Variants in NTM observed in about 807,000 individuals in gnomAD.
NTM encodes the protein neurotrimin, also known as IgLON family member 2.
In NTM, 13 loss-of-function variants were observed where a neutral mutation model predicts 42.1. That is an observed-to-expected ratio of 0.31 (90% CI 0.20 to 0.49). The LOEUF (loss-of-function observed/expected upper bound fraction) is 0.49, where lower values mean the gene tolerates loss of function less well. NTM is among the 20% of genes least tolerant of loss of function. The pLI is 0.99. For missense variants in NTM, 373 were observed against 452.8 expected, an observed-to-expected ratio of 0.82 and a Z score of 1.60; for synonymous variants, 187 against 179.2, an observed-to-expected ratio of 1.04 and a Z score of -0.35.
intron 2 of NTM, among the ~76,000 whole-genome samples, chr11:131,944,010 G>T (rs1287789183): frequency 6.6e-6 from 1 of 151,952 alleles, no homozygotes; most frequent in African/African-American, 2.4e-5. Flanking sequence ...GGCGTTATTT[G>T]TATGTGAAAA....
At chr11:131,947,697 G>A (rs1238062537) in intron 2 of NTM, among the ~76,000 whole-genome samples, 3 of 152,118 alleles carry the variant, frequency 2.0e-5, no homozygotes, top group Non-Finnish European at 4.4e-5. Context: ...TCCTCACATG[G>A]AAGCCAGTCA....
At chr11:131,828,095 T>C (rs1166993073) in intron 1 of NTM, among the ~76,000 whole-genome samples, 1 of 151,970 alleles carries the variant, frequency 6.6e-6, no homozygotes, top group Non-Finnish European at 1.5e-5. Context: ...TATTAAATTC[T>C]ACCTGCCAAA....
intron 1 of NTM, among the ~76,000 whole-genome samples, chr11:131,634,024 C>G (rs1360257941): frequency 6.6e-6 from 1 of 152,124 alleles, no homozygotes; most frequent in African/African-American, 2.4e-5. Context: ...CCAACTCTAT[C>G]TCTTCAAGGC....
At chr11:131,816,717 G>A (rs550585746) in intron 1 of NTM, among the ~76,000 whole-genome samples, 3 of 152,164 alleles carry the variant, frequency 2.0e-5, no homozygotes, top group South Asian at 2.1e-4. Flanking sequence ...TTTTAGAGGC[G>A]AAGTGTTCTG....
intron 1 of NTM, among the ~76,000 whole-genome samples, chr11:131,480,797 G>A (rs79259453): frequency 1.9e-4 from 29 of 152,180 alleles, no homozygotes; most frequent in African/African-American, 6.5e-4. Flanking sequence ...TGGGTGGTGG[G>A]GGTGGGGGAA....
intron 1 of NTM, among the ~76,000 whole-genome samples, chr11:131,495,742 A>T (rs545657482): frequency 1.3e-5 from 2 of 152,250 alleles, no homozygotes; most frequent in East Asian, 3.9e-4. Flanking sequence ...CAAGCTGGGG[A>T]GGGGGATTGG....
At chr11:132,297,674 C>T (rs2094670312) in intron 4 of NTM, among the ~76,000 whole-genome samples, 2 of 152,338 alleles carry the variant, frequency 1.3e-5, no homozygotes, top group African/African-American at 4.8e-5. Flanking sequence ...GAGTGATGTT[C>T]TTTTGCCTAT....
chr11:131,511,498 A>C (rs1284710155), intron 1 of NTM, among the ~76,000 whole-genome samples: 1 of 152,232 alleles, frequency 6.6e-6, no homozygotes, highest in Non-Finnish European at 1.5e-5. Context: ...GGTTTAAATC[A>C]GCAATGCTAG....
intron 1 of NTM, among the ~76,000 whole-genome samples, chr11:131,757,110 A>G (rs914526645): frequency 1.3e-5 from 2 of 152,194 alleles, no homozygotes; most frequent in Non-Finnish European, 2.9e-5. Context: ...CCTTCAAGGA[A>G]AGGGGCGTCA....
intron 1 of NTM, among the ~76,000 whole-genome samples, chr11:131,853,437 CT>C (rs1461948966): frequency 6.6e-6 from 1 of 152,096 alleles, no homozygotes; most frequent in Non-Finnish European, 1.5e-5. Context: ...TTGTTTCCCC[CT>C]GTGTGTCTTA....
At chr11:131,989,237 T>C (rs1248661779) in intron 2 of NTM, among the ~76,000 whole-genome samples, 1 of 152,202 alleles carries the variant, frequency 6.6e-6, no homozygotes, top group Admixed American at 6.5e-5. Flanking sequence ...CTCAAAAACA[T>C]ACTAATTAAC....
chr11:131,936,884 T>C (rs1345561002), intron 2 of NTM, among the ~76,000 whole-genome samples: 1 of 152,174 alleles, frequency 6.6e-6, no homozygotes, highest in Non-Finnish European at 1.5e-5. Context: ...CTCTAGGAGG[T>C]AGATTCTGTT....
chr11:131,561,030 G>A (rs1170098287), intron 1 of NTM, among the ~76,000 whole-genome samples: 1 of 152,226 alleles, frequency 6.6e-6, no homozygotes, highest in Non-Finnish European at 1.5e-5. Context: ...TCTCAGAAAA[G>A]CCAGTGTCCA....
At chr11:132,275,066 T>C (rs976057562) in intron 4 of NTM, among the ~76,000 whole-genome samples, 2 of 152,134 alleles carry the variant, frequency 1.3e-5, no homozygotes, top group Admixed American at 6.6e-5. Context: ...TAAGTTATCT[T>C]TTGATAAACT....
intron 4 of NTM, among the ~76,000 whole-genome samples, chr11:132,305,014 C>T (rs953464633): frequency 6.6e-6 from 1 of 152,190 alleles, no homozygotes; most frequent in African/African-American, 2.4e-5. Context: ...CACAAGATCA[C>T]CTGACATAAA....
At chr11:132,250,925 C>A (rs982757634) in intron 4 of NTM, among the ~76,000 whole-genome samples, 9 of 152,094 alleles carry the variant, frequency 5.9e-5, no homozygotes, top group African/African-American at 2.2e-4. Context: ...TGCCTGGTTA[C>A]TTTTGGCTCT....
chr11:132,052,439 A>T, intron 2 of NTM, among the ~76,000 whole-genome samples: 1 of 152,192 alleles, frequency 6.6e-6, no homozygotes, highest in Non-Finnish European at 1.5e-5. Context: ...GCACTTTATC[A>T]GTTGAAAATG....
chr11:131,510,206 C>T (rs1251089048), intron 1 of NTM, among the ~76,000 whole-genome samples: 1 of 152,222 alleles, frequency 6.6e-6, no homozygotes, highest in Non-Finnish European at 1.5e-5. Flanking sequence ...ATGAGCCCTA[C>T]ACTGTGTGGT....
At chr11:132,019,673 G>A (rs2135508632) in intron 2 of NTM, among the ~76,000 whole-genome samples, 1 of 151,766 alleles carries the variant, frequency 6.6e-6, no homozygotes, top group South Asian at 2.1e-4. Context: ...CTGTTTGCAT[G>A]GTATATATAT....
Sources: gnomAD v4.1 joint callset for allele counts (sites outside exome capture counted in the v4.1 genomes callset) on GRCh38, gnomAD v4.1.1 for gene constraint, MANE v1.5 for transcripts, NCBI Gene and HGNC (gene_info 2026-07-23, HGNC 2026-07-21) for gene names.